The following PIP4K2A variants were observed in gnomAD, a reference collection of about 807,000 sequenced individuals.
The protein encoded by PIP4K2A is phosphatidylinositol-5-phosphate 4-kinase type 2 alpha, also known as phosphatidylinositol 5-phosphate 4-kinase type-2 alpha.
Under a neutral mutation model 42.9 loss-of-function variants are expected in PIP4K2A, and 14 were observed. The ratio of observed to expected loss-of-function variants is 0.33; its 90% CI spans 0.22 to 0.51. PIP4K2A has a LOEUF of 0.51. Ranked by LOEUF, PIP4K2A falls within the 20% of genes least tolerant of loss-of-function variation. The pLI, the probability that PIP4K2A is intolerant of heterozygous loss-of-function variation, is 0.97. For missense variants in PIP4K2A, 434 were observed against 519.8 expected, an observed-to-expected ratio of 0.83 and a Z score of 1.61; for synonymous variants, 192 against 192.2, an observed-to-expected ratio of 1.00 and a Z score of 0.01.
intron 7 of PIP4K2A, among the ~76,000 whole-genome samples, chr10:22,549,989 A>G (rs1836363661): frequency 6.6e-6 from 1 of 152,156 alleles, no homozygotes; most frequent in Non-Finnish European, 1.5e-5. Flanking sequence ...AAATGACAGG[A>G]AAAGGTACAT....
At chr10:22,546,338 A>G (rs531124120) in intron 7 of PIP4K2A, among the ~76,000 whole-genome samples, 1 of 152,340 alleles carries the variant, frequency 6.6e-6, no homozygotes, top group South Asian at 2.1e-4. Context: ...CAATTTAAAC[A>G]GGTTTCAGTT....
intron 1 of PIP4K2A, among the ~76,000 whole-genome samples, chr10:22,701,835 A>C (rs1399198752): frequency 6.6e-6 from 1 of 152,236 alleles, no homozygotes; most frequent in Non-Finnish European, 1.5e-5. Flanking sequence ...TAGTCATGGA[A>C]GCCACTTTGG....
At position 22,546,765 on chromosome 10, in the gene PIP4K2A, A is replaced by G. The variant is rs573795256; in HGVS notation, c.792+3894T>C. ...TAGAGTGAATGAAGTGTGGCAATAC[A>G]TCTGAGATTTTTCGTGGGCTGGAAG... On this transcript the variant is annotated intron_variant, in intron 7 of 9. Transcript: ENST00000376573. 3.9e-5 allele frequency among the ~76,000 whole-genome samples: 6 copies of G among 152,296 alleles called. No individual in the cohort carries two copies. The East Asian group carries it at 9.7e-4, about 25-fold the overall frequency.
intron 1 of PIP4K2A, among the ~76,000 whole-genome samples, chr10:22,684,502 T>C (rs944884838): frequency 1.3e-5 from 2 of 152,222 alleles, no homozygotes; most frequent in African/African-American, 4.8e-5. Flanking sequence ...TATACATATA[T>C]GTTCATAATT....
intron 5 of PIP4K2A, among the ~76,000 whole-genome samples, chr10:22,571,262 A>T (rs1588633310): frequency 1.3e-5 from 2 of 152,222 alleles, no homozygotes; most frequent in East Asian, 3.8e-4. Flanking sequence ...TACAAAATGA[A>T]TGAAGCTGCT....
At chr10:22,581,470 T>C (rs1837277857) in intron 4 of PIP4K2A, among the ~76,000 whole-genome samples, 1 of 151,156 alleles carries the variant, frequency 6.6e-6, no homozygotes, top group Non-Finnish European at 1.5e-5. Flanking sequence ...TTTAAAATGT[T>C]ATTTTTGCCC....
chr10:22,608,078 C>T, intron 2 of PIP4K2A, 55 bp from the exon 3 acceptor site: 1 of 1,126,654 alleles, frequency 8.9e-7, no homozygotes, highest in Non-Finnish European at 1.3e-6. Flanking sequence ...AGACTTGCAT[C>T]TGCCACCACT....
chr10:22,660,458 G>A (rs1343014934), intron 1 of PIP4K2A, among the ~76,000 whole-genome samples: 2 of 152,056 alleles, frequency 1.3e-5, no homozygotes, highest in Non-Finnish European at 2.9e-5. Context: ...GCGACAGAGT[G>A]AGACTCCATC....
intron 4 of PIP4K2A, among the ~76,000 whole-genome samples, 184 bp from the exon 5 acceptor site, chr10:22,573,641 C>A (rs1471531382): frequency 1.3e-5 from 2 of 152,214 alleles, no homozygotes; most frequent in Non-Finnish European, 2.9e-5. Context: ...CATCTCTACA[C>A]AGAAAAGAAA....
intron 6 of PIP4K2A, among the ~76,000 whole-genome samples, chr10:22,560,407 T>C (rs1374453090): frequency 6.6e-6 from 1 of 152,212 alleles, no homozygotes; most frequent in Non-Finnish European, 1.5e-5. Flanking sequence ...AATTATAATT[T>C]GTTACAATTT....
chr10:22,687,548 C>T (rs960597341), intron 1 of PIP4K2A, among the ~76,000 whole-genome samples: 2 of 151,936 alleles, frequency 1.3e-5, no homozygotes, highest in African/African-American at 4.8e-5. Flanking sequence ...AAAGCAGACA[C>T]ACACACACAC....
rs565879386 is a variant in PIP4K2A at position 22,567,487 on chromosome 10, C to T, written c.678+364G>A. ...TTCAGGGTCACATTCGGTTTGATATCGGTGAAGCAGTGTTAGGTCCTGGTT... is the reference window on the plus strand; with the variant it reads ...TTCAGGGTCACATTCGGTTTGATATTGGTGAAGCAGTGTTAGGTCCTGGTT... On this transcript the variant is annotated intron_variant, in intron 6 of 9. Coordinates refer to ENST00000376573, the MANE Select transcript of PIP4K2A (RefSeq NM_005028.5). The T allele has an allele frequency of 1.3e-5, 6 of 457,438 alleles. No homozygotes were observed. In the East Asian group the frequency reaches 1.5e-4, roughly 11 times the overall value. The allele number at this position is 457,438 out of a possible 1,614,324, so 28.3% of individuals were successfully genotyped here.
chr10:22,578,644 G>A (rs114474195), intron 4 of PIP4K2A, among the ~76,000 whole-genome samples: 227 of 149,058 alleles, frequency 1.5e-3, no homozygotes, highest in African/African-American at 5.3e-3. Context: ...GATCCACACC[G>A]TTTGTTTACA....
intron 1 of PIP4K2A, among the ~76,000 whole-genome samples, chr10:22,659,429 C>T (rs1040606974): frequency 2.6e-5 from 4 of 152,148 alleles, no homozygotes; most frequent in Admixed American, 2.6e-4. Context: ...CCCGTCTCTA[C>T]TAAAAATACA....
intron 1 of PIP4K2A, among the ~76,000 whole-genome samples, chr10:22,654,170 A>G (rs1757232663): frequency 6.6e-6 from 1 of 152,230 alleles, no homozygotes; most frequent in Non-Finnish European, 1.5e-5. Flanking sequence ...TTAATTTTGA[A>G]AAACACATGT....
intron 6 of PIP4K2A, among the ~76,000 whole-genome samples, chr10:22,565,500 A>G (rs1836825517): frequency 6.6e-6 from 1 of 152,166 alleles, no homozygotes; most frequent in African/African-American, 2.4e-5. Flanking sequence ...GTGCTTTCCT[A>G]TGCCTGTCTT....
At chr10:22,620,028 T>C (rs1838285172) in intron 1 of PIP4K2A, among the ~76,000 whole-genome samples, 1 of 152,204 alleles carries the variant, frequency 6.6e-6, no homozygotes, top group Admixed American at 6.5e-5. Context: ...AATCATTAAG[T>C]CAATCTTTTG....
At chr10:22,636,740 C>A (rs1207687715) in intron 1 of PIP4K2A, among the ~76,000 whole-genome samples, 1 of 152,222 alleles carries the variant, frequency 6.6e-6, no homozygotes, top group African/African-American at 2.4e-5. Flanking sequence ...TATTAACGGT[C>A]CCCGATGAAT....
chr10:22,567,115 T>G (rs891650026), intron 6 of PIP4K2A, among the ~76,000 whole-genome samples: 13 of 152,226 alleles, frequency 8.5e-5, no homozygotes, highest in African/African-American at 3.1e-4. Context: ...CTTCCCAAGG[T>G]GACAAGAAGG....
Sources: gnomAD v4.1 joint callset for allele counts (sites outside exome capture counted in the v4.1 genomes callset) on GRCh38, gnomAD v4.1.1 for gene constraint, MANE v1.5 for transcripts, NCBI Gene and HGNC (gene_info 2026-07-23, HGNC 2026-07-21) for gene names.